Variants in SCFD2 observed in about 807,000 individuals in gnomAD.
SCFD2 encodes the protein sec1 family domain-containing protein 2.
SCFD2 carries 54 observed loss-of-function variants against 58.9 expected under a neutral mutation model. The ratio of observed to expected loss-of-function variants is 0.92; its 90% CI spans 0.74 to 1.15. The LOEUF is 1.15. Ranked by LOEUF, SCFD2 falls within the 50% of genes most tolerant of loss-of-function variation. The pLI is 0.00. For synonymous variants in SCFD2, 321 were observed against 335.9 expected (o/e 0.96, Z 0.49); for missense variants, 805 against 836.6 (o/e 0.96, Z 0.47).
At chr4:53,222,172 A>G (rs1283530814) in intron 4 of SCFD2, among the ~76,000 whole-genome samples, 3 of 152,212 alleles carry the variant, frequency 2.0e-5, no homozygotes, top group East Asian at 3.8e-4. Flanking sequence ...TTGTTTTTCT[A>G]ACACAAGAAA....
chr4:53,334,397 T>C (rs557057802), intron 2 of SCFD2, among the ~76,000 whole-genome samples: 15 of 152,120 alleles, frequency 9.9e-5, no homozygotes, highest in African/African-American at 3.6e-4. Flanking sequence ...GTGGCACATA[T>C]ACACCATGGA....
intron 4 of SCFD2, among the ~76,000 whole-genome samples, chr4:53,241,565 C>T (rs1462647339): frequency 3.3e-5 from 5 of 152,206 alleles, no homozygotes; most frequent in Non-Finnish European, 5.9e-5. Context: ...CATTGATATA[C>T]ACCAGCCCAC....
chr4:53,085,468 T>TA (rs1219838170), intron 5 of SCFD2, among the ~76,000 whole-genome samples: 2 of 152,150 alleles, frequency 1.3e-5, no homozygotes, highest in Non-Finnish European at 2.9e-5. Context: ...CCAAAAGCAA[T>TA]CTACAGATTC....
intron 5 of SCFD2, among the ~76,000 whole-genome samples, chr4:53,075,086 T>G (rs1471547767): frequency 6.6e-6 from 1 of 152,232 alleles, no homozygotes; most frequent in African/African-American, 2.4e-5. Context: ...ATCAATGATC[T>G]TAGCTAGACC....
chr4:53,244,676 C>G (rs1322553530), intron 4 of SCFD2, among the ~76,000 whole-genome samples: 1 of 151,844 alleles, frequency 6.6e-6, no homozygotes, highest in Non-Finnish European at 1.5e-5. Flanking sequence ...AACATCACAA[C>G]TAAAAGAACT....
intron 7 of SCFD2, among the ~76,000 whole-genome samples, chr4:52,894,356 C>T (rs1718949590): frequency 6.6e-6 from 1 of 152,180 alleles, no homozygotes; most frequent in South Asian, 2.1e-4. Flanking sequence ...AAATCATGTC[C>T]TTTAGTCAAA....
At chr4:53,226,752 C>G (rs1669139370) in intron 4 of SCFD2, among the ~76,000 whole-genome samples, 1 of 152,038 alleles carries the variant, frequency 6.6e-6, no homozygotes, top group South Asian at 2.1e-4. Flanking sequence ...CAAAAAAAGG[C>G]AGCTTACTTG....
chr4:52,983,884 C>T (rs951696882), intron 5 of SCFD2, among the ~76,000 whole-genome samples: 4 of 152,234 alleles, frequency 2.6e-5, no homozygotes, highest in African/African-American at 9.6e-5. Flanking sequence ...TCCTTGCCTA[C>T]ACCCTTCTTA....
intron 6 of SCFD2, among the ~76,000 whole-genome samples, chr4:52,911,914 C>G (rs542015018): frequency 5.9e-4 from 90 of 152,294 alleles, no homozygotes; most frequent in Middle Eastern, 3.4e-3. Context: ...GCAGGAAGAA[C>G]AGGCAGGAAC....
At chr4:53,343,229 G>A (rs922083514) in intron 2 of SCFD2, among the ~76,000 whole-genome samples, 3 of 152,016 alleles carry the variant, frequency 2.0e-5, no homozygotes, top group Admixed American at 2.0e-4. Context: ...TAATAAAAGA[G>A]AGAAGAATCA....
At chr4:52,966,769 T>C (rs188759785) in intron 5 of SCFD2, among the ~76,000 whole-genome samples, 13 of 152,334 alleles carry the variant, frequency 8.5e-5, no homozygotes, top group Non-Finnish European at 1.5e-4. Flanking sequence ...TGAACCAATA[T>C]TGATACATTT....
chr4:53,131,190 A>G (rs1725777118), intron 5 of SCFD2, among the ~76,000 whole-genome samples: 1 of 152,222 alleles, frequency 6.6e-6, no homozygotes, highest in African/African-American at 2.4e-5. Flanking sequence ...ATTTTTGACA[A>G]TGAGAATTTA....
intron 5 of SCFD2, among the ~76,000 whole-genome samples, chr4:52,978,368 C>CAA (rs1721299732): frequency 6.6e-6 from 1 of 152,152 alleles, no homozygotes; most frequent in Admixed American, 6.5e-5. Context: ...GCATTTCCAA[C>CAA]AAGCATTCTA....
chr4:53,229,778 C>A (rs1273779407), intron 4 of SCFD2, among the ~76,000 whole-genome samples: 5 of 152,062 alleles, frequency 3.3e-5, no homozygotes, highest in Admixed American at 6.6e-5. Flanking sequence ...AATGGGATCT[C>A]ATTAAACTAA....
At chr4:53,123,330 A>G (rs1203539761) in intron 5 of SCFD2, among the ~76,000 whole-genome samples, 1 of 152,178 alleles carries the variant, frequency 6.6e-6, no homozygotes, top group African/African-American at 2.4e-5. Context: ...GGCTGTGTAC[A>G]TATAGAGCTT....
chr4:53,325,607 G>A (rs899830932), intron 2 of SCFD2, among the ~76,000 whole-genome samples: 1 of 152,140 alleles, frequency 6.6e-6, no homozygotes, highest in Non-Finnish European at 1.5e-5. Flanking sequence ...TTGATTTACT[G>A]ATAGCAGCTT....
rs1261192304 is a variant in SCFD2, at chr4:53,207,044, G to A, written c.1312-61462C>T. Among the ~76,000 whole-genome samples the A allele has an allele frequency of 3.3e-5, 5 of 151,984 alleles. No individual in the cohort carries two copies. The East Asian group carries it at 9.7e-4, about 29-fold the overall frequency. Reference sequence around the variant, plus strand: ...CATAACATGGTGGCAGGTATGGCATGGCGAGAGGGCATGAGAGCCTGTGCA... The same window carrying A: ...CATAACATGGTGGCAGGTATGGCATAGCGAGAGGGCATGAGAGCCTGTGCA... On this transcript the variant is annotated intron_variant, in intron 4 of 8. Transcript: ENST00000401642.
intron 5 of SCFD2, among the ~76,000 whole-genome samples, chr4:53,102,335 C>T (rs982630032): frequency 6.6e-6 from 1 of 152,014 alleles, no homozygotes; most frequent in African/African-American, 2.4e-5. Flanking sequence ...TATAATTCCT[C>T]TATAATCTGA....
intron 3 of SCFD2, among the ~76,000 whole-genome samples, chr4:53,302,764 T>C (rs1732359160): frequency 6.6e-6 from 1 of 152,120 alleles, no homozygotes; most frequent in East Asian, 1.9e-4. Flanking sequence ...TATAGACCAA[T>C]GGAACAGAAC....
Sources: gnomAD v4.1 joint callset for allele counts (sites outside exome capture counted in the v4.1 genomes callset) on GRCh38, gnomAD v4.1.1 for gene constraint, MANE v1.5 for transcripts, NCBI Gene and HGNC (gene_info 2026-07-23, HGNC 2026-07-21) for gene names.